Variants in FAM171A1 observed in about 807,000 individuals in gnomAD.
FAM171A1 encodes family with sequence similarity 171 member A1, also known as protein FAM171A1.
In FAM171A1, 23 loss-of-function variants were observed where a neutral mutation model predicts 74.9. The observed-to-expected ratio is 0.31, with a 90% confidence interval of 0.22 to 0.44. FAM171A1 has a LOEUF of 0.44. Among genes scored for constraint, FAM171A1 ranks in the 20% least tolerant of loss-of-function variants. FAM171A1 has a pLI of 1.00. For synonymous variants in FAM171A1, 527 were observed against 505.7 expected (o/e 1.04, Z -0.57); for missense variants, 1,162 against 1,159.2 (o/e 1.00, Z -0.03).
At chr10:15,235,878 C>T (rs1202872440) in intron 5 of FAM171A1, among the ~76,000 whole-genome samples, 1 of 152,082 alleles carries the variant, frequency 6.6e-6, no homozygotes, top group Non-Finnish European at 1.5e-5. Flanking sequence ...TACCTGGAAC[C>T]TTCATCTCTC....
intron 1 of FAM171A1, among the ~76,000 whole-genome samples, chr10:15,285,026 T>C (rs576059217): frequency 6.6e-6 from 1 of 151,750 alleles, no homozygotes; most frequent in African/African-American, 2.4e-5. Flanking sequence ...ACAAACAGAA[T>C]GTTACAAATT....
At chr10:15,267,025 G>T (rs1362679918) in intron 3 of FAM171A1, among the ~76,000 whole-genome samples, 2 of 152,220 alleles carry the variant, frequency 1.3e-5, no homozygotes, top group African/African-American at 4.8e-5. Flanking sequence ...CCAACGGGCA[G>T]TTTAGCGCAC....
At chr10:15,223,134 G>T (rs1834060692) in intron 5 of FAM171A1, among the ~76,000 whole-genome samples, 2 of 152,192 alleles carry the variant, frequency 1.3e-5, no homozygotes, top group African/African-American at 2.4e-5. Context: ...GAAGCCAGGA[G>T]TTCGAGACCA....
At chr10:15,275,970 G>C (rs766391253) in intron 2 of FAM171A1, 23 bp from the exon 3 acceptor site, 2 of 1,566,134 alleles carry the variant, frequency 1.3e-6, no homozygotes, top group Non-Finnish European at 1.7e-6. Context: ...GAAATGGATA[G>C]AAGGGGATTT....
intron 7 of FAM171A1, 85 bp downstream of exon 7, chr10:15,215,911 C>A: frequency 4.4e-5 from 33 of 751,972 alleles, no homozygotes; most frequent in Middle Eastern, 3.6e-4. Flanking sequence ...AAAAAAAAAC[C>A]CACCTCCATA....
chr10:15,270,269 C>T (rs1314670120), intron 3 of FAM171A1, among the ~76,000 whole-genome samples: 1 of 152,202 alleles, frequency 6.6e-6, no homozygotes, highest in East Asian at 1.9e-4. Context: ...CCCATGGAGC[C>T]TCGCTCACTG....
intron 5 of FAM171A1, among the ~76,000 whole-genome samples, chr10:15,229,027 C>T (rs919552508): frequency 1.5e-4 from 23 of 152,306 alleles, no homozygotes; most frequent in Non-Finnish European, 2.8e-4. Flanking sequence ...GCGGTGAATT[C>T]TACTAGGTCT....
chr10:15,320,939 G>C (rs557695394), intron 1 of FAM171A1, among the ~76,000 whole-genome samples: 83 of 152,330 alleles, frequency 5.4e-4, no homozygotes, highest in African/African-American at 1.9e-3. Flanking sequence ...CACAAATTCT[G>C]CCTGGGTACT....
intron 2 of FAM171A1, among the ~76,000 whole-genome samples, chr10:15,279,512 C>T (rs1420355296): frequency 7.3e-6 from 1 of 137,172 alleles, no homozygotes; most frequent in Non-Finnish European, 1.6e-5. Context: ...CTGTTCATAC[C>T]AAGTAGATTT....
chr10:15,244,885 G>A (rs1170828561), intron 5 of FAM171A1, among the ~76,000 whole-genome samples: 2 of 152,124 alleles, frequency 1.3e-5, no homozygotes, highest in Admixed American at 6.5e-5. Flanking sequence ...GGAAAGGATC[G>A]GCTGTGCTCG....
intron 3 of FAM171A1, among the ~76,000 whole-genome samples, chr10:15,272,740 A>G (rs1454046125): frequency 1.3e-5 from 2 of 152,188 alleles, no homozygotes; most frequent in South Asian, 4.1e-4. Flanking sequence ...TAAGAAACTC[A>G]CTCAAAACTG....
intron 1 of FAM171A1, among the ~76,000 whole-genome samples, chr10:15,290,048 T>C (rs1282363450): frequency 6.6e-6 from 1 of 152,122 alleles, no homozygotes; most frequent in Non-Finnish European, 1.5e-5. Flanking sequence ...GCCAACATAG[T>C]GAAACCCCGT....
intron 1 of FAM171A1, among the ~76,000 whole-genome samples, chr10:15,315,317 T>C (rs1158899974): frequency 3.9e-5 from 6 of 152,210 alleles, no homozygotes; most frequent in African/African-American, 1.4e-4. Context: ...GTTTCTCCCA[T>C]CTGCAAAACG....
chr10:15,227,022 CAG>C (rs1834117660), intron 5 of FAM171A1, among the ~76,000 whole-genome samples: 1 of 152,170 alleles, frequency 6.6e-6, no homozygotes, highest in Admixed American at 6.5e-5. Context: ...TCTTTTTAGA[CAG>C]AGTCTCATTC....
chr10:15,374,034 AC>A (rs1366902954), upstream of FAM171A1, among the ~76,000 whole-genome samples: 1 of 152,216 alleles, frequency 6.6e-6, no homozygotes, highest in Admixed American at 6.5e-5. Context: ...TACTGGCTCA[AC>A]CAAAAATAGA....
intron 6 of FAM171A1, among the ~76,000 whole-genome samples, chr10:15,220,568 A>T (rs1834024822): frequency 6.6e-6 from 1 of 152,106 alleles, no homozygotes; most frequent in South Asian, 2.1e-4. Flanking sequence ...GTGACTTCCC[A>T]CTAGCATCTC....
upstream of FAM171A1, among the ~76,000 whole-genome samples, chr10:15,371,418 G>A (rs1408720820): frequency 7.2e-6 from 1 of 138,644 alleles, no homozygotes. Flanking sequence ...CCCCCAGCCC[G>A]ACCCCCGGCG....
At position 15,254,730 on chromosome 10, in the gene FAM171A1, T is replaced by C. The variant is rs1419961620; in HGVS notation, c.568A>G (p.Asn190Asp). 12 of 1,613,946 alleles carry C rather than the reference T, an allele frequency of 7.4e-6. No individual in the cohort carries two copies. The South Asian group carries it at 1.3e-4, about 18-fold the overall frequency. Residue 190 changes from asparagine to aspartate, a missense_variant, in exon 4 of 8, where the codon AAT becomes GAT. Physicochemically the swap from Asn to Asp is conservative, Grantham distance 23. Coordinates refer to ENST00000378116, the MANE Select transcript of FAM171A1 (RefSeq NM_001010924.2). ...SFPYLRGLDG[N>D]GTGNSTRHDL... ...AAAAGACTCCAATTACCTGTTCCAT[T>C]TCCGTCTAATCCTCGCAAATAAGGA...
chr10:15,374,456 A>C (rs567492886), upstream of FAM171A1, among the ~76,000 whole-genome samples: 3 of 152,384 alleles, frequency 2.0e-5, no homozygotes, highest in South Asian at 6.2e-4. Context: ...AGAATTATGT[A>C]AGAATTAAAT....
Sources: allele counts gnomAD v4.1 joint callset (sites outside exome capture counted in the v4.1 genomes callset), GRCh38; gene constraint gnomAD v4.1.1; transcripts MANE v1.5; gene names NCBI Gene and HGNC (gene_info 2026-07-23, HGNC 2026-07-21).